NTAQ1: variants seen among roughly 807,000 people sequenced by gnomAD.
NTAQ1 encodes N-terminal glutamine amidase 1.
A neutral mutation model predicts 28.2 loss-of-function variants in NTAQ1; 21 were observed. That is an observed-to-expected ratio of 0.74 (90% CI 0.53 to 1.07). The LOEUF is 1.07. NTAQ1 is among the 50% of genes least tolerant of loss of function. The pLI is 0.00. For missense variants in NTAQ1, 264 were observed against 256.6 expected, an observed-to-expected ratio of 1.03 and a Z score of -0.20; for synonymous variants, 105 against 90.0, an observed-to-expected ratio of 1.17 and a Z score of -0.94.
Position 123,442,022 on chromosome 8 carries a change from G to T in NTAQ1, c.*607G>T, listed in dbSNP as rs544692133. The T allele has an allele frequency of 6.5e-6, 1 of 152,746 alleles. No individual in the cohort carries two copies. Among genetic ancestry groups the T allele is most frequent in the African/African-American group, 2.4e-5 (1 of 41,580 alleles). 9.5% of individuals were successfully genotyped at this position (152,746 alleles called of 1,614,324 possible). ...TTTAAATAAAATCGATTTAACGTTA[G>T]TTTTGTTTTGAAGATTTTTGTGTCA... On this transcript the variant is annotated 3_prime_UTR_variant, in exon 6 of 6. Transcript: ENST00000287387.
In NTAQ1 at chr8:123,437,290, A is replaced by G; in HGVS notation, c.464A>G (p.Asn155Ser). Reference protein sequence around the residue: ...DRSHMKDSSGNWREPPPPYPC... With the variant: ...DRSHMKDSSGSWREPPPPYPC... ...TCTCACATGAAAGACTCCAGTGGGA[A>G]TTGGAGAGAGCCTCCGCCGCCATAT... Residue 155 changes from asparagine to serine, a missense_variant, in exon 5 of 6, where the codon AAT (asparagine) becomes AGT (serine). By Grantham distance (46) the Asn-to-Ser change is conservative. Coordinates refer to ENST00000287387, the MANE Select transcript of NTAQ1 (RefSeq NM_018024.3). The G allele has an allele frequency of 6.2e-7, 1 of 1,614,142 alleles. No homozygotes were observed. Among genetic ancestry groups the G allele is most frequent in the Non-Finnish European group, 8.5e-7 (1 of 1,179,994 alleles).
chr8:123,441,170 A>T, intron 5 of NTAQ1, 136 bp from the exon 6 acceptor site: 1 of 653,850 alleles, frequency 1.5e-6, no homozygotes, highest in Non-Finnish European at 2.7e-6. Flanking sequence ...ATTCAAGGCC[A>T]GAAAACCACA....
At chr8:123,438,338 G>T in intron 5 of NTAQ1, 2 of 590,724 alleles carry the variant, frequency 3.4e-6, no homozygotes, top group Non-Finnish European at 6.1e-6. Context: ...CAGCATGTCA[G>T]AAAAATAGGG....
intron 5 of NTAQ1, among the ~76,000 whole-genome samples, chr8:123,440,548 G>A (rs1189838520): frequency 6.7e-6 from 1 of 149,408 alleles, no homozygotes; most frequent in Non-Finnish European, 1.5e-5. Flanking sequence ...TGCCCAGGCT[G>A]GAGTGAAGTG....
chr8:123,473,016 G>A (rs1475761167), downstream of NTAQ1, among the ~76,000 whole-genome samples: 1 of 152,182 alleles, frequency 6.6e-6, no homozygotes, highest in Non-Finnish European at 1.5e-5. Context: ...ACTGTTAACT[G>A]TTGGGGTGAG....
downstream of NTAQ1, among the ~76,000 whole-genome samples, chr8:123,450,557 A>C (rs1210956889): frequency 1.3e-5 from 2 of 152,150 alleles, no homozygotes; most frequent in Admixed American, 1.3e-4. Flanking sequence ...TCATGACATC[A>C]AAACCTGTCT....
At chr8:123,420,223 T>A (rs141893348) in intron 1 of NTAQ1, among the ~76,000 whole-genome samples, 3 of 152,168 alleles carry the variant, frequency 2.0e-5, no homozygotes, top group Non-Finnish European at 4.4e-5. Context: ...GCTCCATCCA[T>A]GTTGCTGCAA....
At chr8:123,454,626 C>T (rs780652053) in intron 6 of NTAQ1, among the ~76,000 whole-genome samples, 1 of 152,184 alleles carries the variant, frequency 6.6e-6, no homozygotes, top group Admixed American at 6.5e-5. Context: ...CGGAGATGCA[C>T]TCACTTCTAG....
intron 1 of NTAQ1, among the ~76,000 whole-genome samples, chr8:123,425,307 G>A (rs561356703): frequency 6.6e-5 from 10 of 151,874 alleles, no homozygotes; most frequent in African/African-American, 2.4e-4. Context: ...GGCCAGACTG[G>A]TCTCAAACTC....
At chr8:123,420,400 A>G (rs1326572742) in intron 1 of NTAQ1, among the ~76,000 whole-genome samples, 1 of 152,140 alleles carries the variant, frequency 6.6e-6, no homozygotes, top group African/African-American at 2.4e-5. Flanking sequence ...GTGTCTTAAT[A>G]GTAGGATTTA....
At chr8:123,436,328 A>C in intron 3 of NTAQ1, 125 bp from the exon 4 acceptor site, 1 of 775,526 alleles carries the variant, frequency 1.3e-6, no homozygotes, top group East Asian at 2.8e-5. Flanking sequence ...GCTTTATTCT[A>C]TTTTGCTATT....
intron 3 of NTAQ1, 112 bp downstream of exon 3, chr8:123,430,145 A>G: frequency 1.5e-6 from 1 of 650,610 alleles, no homozygotes; most frequent in Non-Finnish European, 2.6e-6. Flanking sequence ...GGCTATGGTA[A>G]TTATTAATAA....
At chr8:123,452,369 G>A (rs967890179), downstream of NTAQ1, among the ~76,000 whole-genome samples, 9 of 152,218 alleles carry the variant, frequency 5.9e-5, no homozygotes, top group Non-Finnish European at 1.2e-4. Context: ...GGCCAACGCC[G>A]GTGGATCACT....
chr8:123,445,051 TTTAA>T (rs1414155023), downstream of NTAQ1, among the ~76,000 whole-genome samples: 1 of 152,184 alleles, frequency 6.6e-6, no homozygotes, highest in Non-Finnish European at 1.5e-5. Flanking sequence ...TGGTTTAATT[TTTAA>T]TTAATTAAAA....
At chr8:123,417,298 T>C (rs557790362) in intron 1 of NTAQ1, among the ~76,000 whole-genome samples, 4 of 152,260 alleles carry the variant, frequency 2.6e-5, no homozygotes, top group Non-Finnish European at 5.9e-5. Context: ...GTGAAGGTCA[T>C]TTTAATTTTG....
intron 5 of NTAQ1, among the ~76,000 whole-genome samples, chr8:123,440,046 T>C (rs1200499575): frequency 6.6e-6 from 1 of 151,958 alleles, no homozygotes; most frequent in African/African-American, 2.4e-5. Context: ...ACTCTTTTTT[T>C]TTTTTAATCA....
chr8:123,438,346 G>C, intron 5 of NTAQ1: 2 of 582,070 alleles, frequency 3.4e-6, no homozygotes, highest in South Asian at 2.1e-5. Context: ...CAGAAAAATA[G>C]GGCAGTAGTG....
chr8:123,472,544 T>TC (rs891372602), downstream of NTAQ1, among the ~76,000 whole-genome samples: 1 of 152,162 alleles, frequency 6.6e-6, no homozygotes, highest in East Asian at 1.9e-4. Context: ...ATCCTGGTGT[T>TC]CCTTGGCTTG....
intron 1 of NTAQ1, among the ~76,000 whole-genome samples, chr8:123,426,266 A>G (rs969992398): frequency 6.6e-6 from 1 of 152,166 alleles, no homozygotes; most frequent in African/African-American, 2.4e-5. Context: ...GGTTCTGACT[A>G]CTGCTTCAGA....
Sources: allele counts gnomAD v4.1 joint callset (sites outside exome capture counted in the v4.1 genomes callset), GRCh38; gene constraint gnomAD v4.1.1; transcripts MANE v1.5; gene names NCBI Gene and HGNC (gene_info 2026-07-23, HGNC 2026-07-21).